Variants in SAMSN1 observed in about 807,000 individuals in gnomAD.
SAMSN1 encodes SAM domain, SH3 domain and nuclear localization signals 1, also known as SAM domain-containing protein SAMSN-1.
In SAMSN1, 31 loss-of-function variants were observed where a neutral mutation model predicts 42.0. The observed-to-expected ratio is 0.74, with a 90% CI of 0.55 to 1.00. The LOEUF (loss-of-function observed/expected upper bound fraction) is 1.00. Among genes scored for constraint, SAMSN1 ranks in the 50% least tolerant of loss-of-function variants. The probability of loss-of-function intolerance (pLI) is 0.00; values close to 1 mark genes in which losing one functional copy is unlikely to be tolerated. For missense variants in SAMSN1, 464 were observed against 439.4 expected, an observed-to-expected ratio of 1.06 and a Z score of -0.50; for synonymous variants, 178 against 151.9, an observed-to-expected ratio of 1.17 and a Z score of -1.26.
chr21:14,565,651 T>G (rs1225810467), intron 2 of SAMSN1, among the ~76,000 whole-genome samples: 3 of 152,132 alleles, frequency 2.0e-5, no homozygotes, highest in Admixed American at 6.6e-5. Context: ...AAAGCTTTAT[T>G]TTTCCCACCA....
intron 6 of SAMSN1, among the ~76,000 whole-genome samples, chr21:14,597,381 T>C (rs930888109): frequency 1.3e-5 from 2 of 152,132 alleles, no homozygotes; most frequent in East Asian, 3.9e-4. Flanking sequence ...ACATAGCCAA[T>C]GGGATGTGTA....
chr21:14,505,433 G>T (rs1033966522), intron 5 of SAMSN1, among the ~76,000 whole-genome samples: 3 of 152,136 alleles, frequency 2.0e-5, no homozygotes, highest in African/African-American at 7.2e-5. Context: ...CACCAAAAGT[G>T]AGCAGGAATA....
At chr21:14,505,336 T>C (rs535323246) in intron 5 of SAMSN1, among the ~76,000 whole-genome samples, 1 of 152,174 alleles carries the variant, frequency 6.6e-6, no homozygotes, top group Non-Finnish European at 1.5e-5. Flanking sequence ...ACAAACTATA[T>C]GCTGCCTTCA....
upstream of SAMSN1, chr21:14,546,490 G>A: frequency 2.0e-6 from 1 of 490,276 alleles, no homozygotes; most frequent in Non-Finnish European, 3.2e-6. Flanking sequence ...TATGAGGTAT[G>A]TTCCAAATCT....
upstream of SAMSN1, chr21:14,583,433 C>A: frequency 2.0e-6 from 1 of 491,408 alleles, no homozygotes; most frequent in East Asian, 3.7e-5. Context: ...TGTCTCGGAG[C>A]CCGGTCTTGA....
chr21:14,582,246 A>C, exon 2 of SAMSN1: 1 of 1,550,920 alleles, frequency 6.4e-7, no homozygotes, highest in Non-Finnish European at 8.7e-7. Flanking sequence ...AAATCAAGAC[A>C]TGTCCAGAGA....
intron 6 of SAMSN1, among the ~76,000 whole-genome samples, chr21:14,498,882 T>G (rs904921103): frequency 1.5e-4 from 23 of 152,206 alleles, no homozygotes; most frequent in African/African-American, 5.5e-4. Context: ...TGCATCCCAT[T>G]TGGAAATGTT....
At chr21:14,588,465 T>A (rs1035161786) in intron 7 of SAMSN1, among the ~76,000 whole-genome samples, 1 of 150,528 alleles carries the variant, frequency 6.6e-6, no homozygotes, top group Admixed American at 6.7e-5. Flanking sequence ...GGTATCTCAT[T>A]GTGGTTTTGA....
At chr21:14,606,811 G>A (rs1476734345) in intron 5 of SAMSN1, among the ~76,000 whole-genome samples, 1 of 152,098 alleles carries the variant, frequency 6.6e-6, no homozygotes, top group East Asian at 1.9e-4. Flanking sequence ...TTTGCATCTG[G>A]AACTCAGCTT....
upstream of SAMSN1, among the ~76,000 whole-genome samples, chr21:14,546,802 C>G (rs180755142): frequency 6.6e-6 from 1 of 152,012 alleles, no homozygotes; most frequent in Non-Finnish European, 1.5e-5. Context: ...CTCCACCTCC[C>G]GGGTTCAAGC....
At chr21:14,625,664 G>A (rs1983146280) in intron 2 of SAMSN1, among the ~76,000 whole-genome samples, 1 of 152,136 alleles carries the variant, frequency 6.6e-6, no homozygotes, top group African/African-American at 2.4e-5. Context: ...CCATGCTCAT[G>A]GATAGGAAGA....
At chr21:14,579,778 G>A (rs112179829) in intron 2 of SAMSN1, among the ~76,000 whole-genome samples, 7 of 151,394 alleles carry the variant, frequency 4.6e-5, no homozygotes, top group African/African-American at 1.7e-4. Context: ...CACCACACCT[G>A]GCCACTTCTT....
chr21:14,580,150 C>A (rs1568817557), intron 2 of SAMSN1, among the ~76,000 whole-genome samples: 1 of 151,752 alleles, frequency 6.6e-6, no homozygotes, highest in Non-Finnish European at 1.5e-5. Flanking sequence ...TGGGTTCTAA[C>A]AGAGAGAATT....
At chr21:14,615,109 T>A (rs1481385965) in intron 3 of SAMSN1, among the ~76,000 whole-genome samples, 1 of 152,198 alleles carries the variant, frequency 6.6e-6, no homozygotes, top group East Asian at 1.9e-4. Context: ...TACATGGCGA[T>A]AAGGCTGAGA....
At chr21:14,602,485 C>A (rs1482272322) in intron 5 of SAMSN1, among the ~76,000 whole-genome samples, 1 of 152,134 alleles carries the variant, frequency 6.6e-6, no homozygotes, top group Non-Finnish European at 1.5e-5. Flanking sequence ...CCACCCCTGG[C>A]ATTTTGAGCT....
At chr21:14,602,434 AT>A (rs1657159278) in intron 5 of SAMSN1, among the ~76,000 whole-genome samples, 1 of 152,158 alleles carries the variant, frequency 6.6e-6, no homozygotes, top group Non-Finnish European at 1.5e-5. Context: ...CTATGACTCC[AT>A]GCAGTTATCA....
chr21:14,500,787 G>A, intron 5 of SAMSN1, 52 bp from the exon 6 acceptor site: 1 of 1,335,008 alleles, frequency 7.5e-7, no homozygotes, highest in Non-Finnish European at 1.1e-6. Context: ...CTCACTGATA[G>A]AAAGAATGAA....
intron 2 of SAMSN1, among the ~76,000 whole-genome samples, chr21:14,631,445 A>G (rs1463049884): frequency 6.6e-6 from 1 of 152,140 alleles, no homozygotes; most frequent in Non-Finnish European, 1.5e-5. Flanking sequence ...GTCTTGCTCC[A>G]TCACCCAGGC....
intron 7 of SAMSN1, among the ~76,000 whole-genome samples, chr21:14,491,146 C>G (rs1027969610): frequency 2.0e-5 from 3 of 152,114 alleles, no homozygotes; most frequent in Non-Finnish European, 4.4e-5. Context: ...TTAATTAAAC[C>G]CATTTACATG....
Sources: gnomAD v4.1 joint callset for allele counts (sites outside exome capture counted in the v4.1 genomes callset) on GRCh38, gnomAD v4.1.1 for gene constraint, MANE v1.5 for transcripts, NCBI Gene and HGNC (gene_info 2026-07-23, HGNC 2026-07-21) for gene names.